OR1J2: variants seen among roughly 807,000 people sequenced by gnomAD.
OR1J2 encodes olfactory receptor 1J2.
For synonymous variants in OR1J2, 142 were observed against 99.7 expected (o/e 1.42, Z -2.52); for missense variants, 304 against 246.1 (o/e 1.24, Z -1.57).
At chr9:122,559,688 CTGTT>C in the OR1J2 span, among the ~76,000 whole-genome samples, 6,883 of 99,202 alleles carry the variant, frequency 0.069, 220 homozygotes, top group Middle Eastern at 0.091. Context: ...GTCTGAGAGA[CTGTT>C]TGTTATTTTT....
At chr9:122,545,201 T>C in the OR1J2 span, among the ~76,000 whole-genome samples, 1 of 151,692 alleles carries the variant, frequency 6.6e-6, no homozygotes, top group Non-Finnish European at 1.5e-5. Context: ...TATGTATGAT[T>C]ACAATCCTTT....
chr9:122,491,801 T>C, the OR1J2 span, among the ~76,000 whole-genome samples: 57 of 152,136 alleles, frequency 3.7e-4, 1 homozygote, highest in East Asian at 0.011. Context: ...GGAAGGACCT[T>C]GTGGTAAAGA....
At chr9:122,494,135 A>G in the OR1J2 span, among the ~76,000 whole-genome samples, 1 of 152,114 alleles carries the variant, frequency 6.6e-6, no homozygotes, top group Non-Finnish European at 1.5e-5. Context: ...CCATGTGCTG[A>G]TGAATAGAGT....
chr9:122,570,413 C>T, the OR1J2 span, among the ~76,000 whole-genome samples: 1 of 152,288 alleles, frequency 6.6e-6, no homozygotes, highest in East Asian at 1.9e-4. Flanking sequence ...AGAATTTTCA[C>T]ATATTTTTAA....
the OR1J2 span, chr9:122,578,405 T>TG: frequency 6.9e-6 from 1 of 144,532 alleles, no homozygotes; most frequent in African/African-American, 2.6e-5. Flanking sequence ...GTTGAGATCA[T>TG]GCCACGGCAC....
downstream of OR1J2, among the ~76,000 whole-genome samples, chr9:122,515,305 G>T (rs1828684087): frequency 6.6e-6 from 1 of 150,902 alleles, no homozygotes; most frequent in African/African-American, 2.5e-5. Context: ...GGAATGACTT[G>T]AGCATAAAGT....
chr9:122,473,170 C>T, the OR1J2 span, among the ~76,000 whole-genome samples: 6 of 152,126 alleles, frequency 3.9e-5, no homozygotes, highest in African/African-American at 7.2e-5. Context: ...AAATCCTGAC[C>T]TGTTAATGAC....
the OR1J2 span, among the ~76,000 whole-genome samples, chr9:122,450,010 T>A: frequency 6.6e-6 from 1 of 152,208 alleles, no homozygotes; most frequent in Non-Finnish European, 1.5e-5. Flanking sequence ...TTATATATAT[T>A]AATTGACAAA....
At chr9:122,519,549 A>G in the OR1J2 span, 1 of 1,614,124 alleles carries the variant, frequency 6.2e-7, no homozygotes, top group East Asian at 2.2e-5. Context: ...CACTATCATG[A>G]AAGAGGGACT....
At chr9:122,501,731 A>G in the OR1J2 span, among the ~76,000 whole-genome samples, 1 of 152,216 alleles carries the variant, frequency 6.6e-6, no homozygotes, top group Non-Finnish European at 1.5e-5. Flanking sequence ...CCAATAATAA[A>G]AAATTATTAT....
chr9:122,490,202 G>A, the OR1J2 span, among the ~76,000 whole-genome samples: 1 of 152,124 alleles, frequency 6.6e-6, no homozygotes, highest in Non-Finnish European at 1.5e-5. Flanking sequence ...AGGGAGTCTG[G>A]CACATTCATA....
the OR1J2 span, among the ~76,000 whole-genome samples, chr9:122,550,558 T>C: frequency 4.4e-5 from 6 of 135,110 alleles, no homozygotes; most frequent in African/African-American, 1.7e-4. Flanking sequence ...CATGATCAAG[T>C]GGGTTTTTTT....
chr9:122,453,079 C>T, the OR1J2 span, among the ~76,000 whole-genome samples: 1 of 151,646 alleles, frequency 6.6e-6, no homozygotes, highest in African/African-American at 2.4e-5. Context: ...CGTATCCCCG[C>T]CTTGCTCCTG....
At chr9:122,492,466 A>G in the OR1J2 span, among the ~76,000 whole-genome samples, 1 of 152,096 alleles carries the variant, frequency 6.6e-6, no homozygotes, top group Non-Finnish European at 1.5e-5. Context: ...ATATGCAAGT[A>G]TATTTGTCTT....
downstream of OR1J2, among the ~76,000 whole-genome samples, chr9:122,513,077 T>C (rs937994694): frequency 6.6e-6 from 1 of 152,208 alleles, no homozygotes; most frequent in East Asian, 1.9e-4. Flanking sequence ...GTGTCATTCA[T>C]TTATAAATGG....
the OR1J2 span, among the ~76,000 whole-genome samples, chr9:122,469,298 G>T: frequency 1.9e-4 from 29 of 152,280 alleles, no homozygotes; most frequent in Non-Finnish European, 3.2e-4. Flanking sequence ...TGAATCATGG[G>T]GAGCAGTTTC....
At chr9:122,511,756 T>C, downstream of OR1J2, 1 of 779,502 alleles carries the variant, frequency 1.3e-6, no homozygotes, top group Non-Finnish European at 2.4e-6. Context: ...TCTGACTTTT[T>C]AAAAAATTAG....
At chr9:122,563,121 T>C in the OR1J2 span, among the ~76,000 whole-genome samples, 11 of 152,208 alleles carry the variant, frequency 7.2e-5, no homozygotes, top group African/African-American at 2.7e-4. Context: ...GATGTACTAA[T>C]TTATATTCTC....
At chr9:122,467,595 T>C in the OR1J2 span, among the ~76,000 whole-genome samples, 2 of 152,220 alleles carry the variant, frequency 1.3e-5, no homozygotes, top group South Asian at 4.1e-4. Flanking sequence ...GTGTACCTCT[T>C]ATTAAAATCC....
Sources: allele counts gnomAD v4.1 joint callset (sites outside exome capture counted in the v4.1 genomes callset), GRCh38; gene constraint gnomAD v4.1.1; transcripts MANE v1.5; gene names NCBI Gene and HGNC (gene_info 2026-07-23, HGNC 2026-07-21).